The following SYNDIG1 variants were observed in gnomAD, a reference collection of about 807,000 sequenced individuals.
The protein encoded by SYNDIG1 is synapse differentiation inducing 1.
In SYNDIG1, 9 loss-of-function variants were observed where a neutral mutation model predicts 19.4. The observed-to-expected ratio is 0.46, with a 90% CI of 0.28 to 0.81. The LOEUF (loss-of-function observed/expected upper bound fraction) is 0.81, where lower values mean the gene tolerates loss of function less well. SYNDIG1 is among the 30% of genes least tolerant of loss of function. SYNDIG1 has a pLI of 0.12. For missense variants in SYNDIG1, 311 were observed against 343.3 expected (o/e 0.91, Z 0.74); for synonymous variants, 141 against 145.9 (o/e 0.97, Z 0.24).
At chr20:24,618,855 G>A (rs934792449) in intron 3 of SYNDIG1, among the ~76,000 whole-genome samples, 7 of 151,656 alleles carry the variant, frequency 4.6e-5, no homozygotes, top group Non-Finnish European at 1.0e-4. Flanking sequence ...TTTTGTGGTG[G>A]TTGTTGTTGT....
intron 3 of SYNDIG1, among the ~76,000 whole-genome samples, chr20:24,653,975 C>A (rs2059498509): frequency 6.6e-6 from 1 of 152,206 alleles, no homozygotes; most frequent in Admixed American, 6.5e-5. Flanking sequence ...AATACAGTCA[C>A]ATTCTGAGGT....
intron 3 of SYNDIG1, among the ~76,000 whole-genome samples, chr20:24,657,341 C>G (rs1303319350): frequency 1.3e-5 from 2 of 152,164 alleles, no homozygotes; most frequent in Non-Finnish European, 2.9e-5. Context: ...AAGGGGCTGG[C>G]CTTGAGGACA....
chr20:24,490,698 G>A (rs886340461), intron 1 of SYNDIG1, among the ~76,000 whole-genome samples: 1 of 152,224 alleles, frequency 6.6e-6, no homozygotes, highest in Non-Finnish European at 1.5e-5. Flanking sequence ...GACAGCTGTG[G>A]CTAGGACTCC....
In SYNDIG1 at chr20:24,637,309, T is replaced by G. The variant is rs191876123; in HGVS notation, c.619-28037T>G. 3.3e-5 allele frequency among the ~76,000 whole-genome samples: 5 copies of G among 152,316 alleles called. No individual in the cohort carries two copies. The East Asian group carries it at 9.6e-4, about 29-fold the overall frequency. ...ATGGTAATTACAAGCCACATGGTAATTTACGATTCCTTCCCTTCAGAGCTA... is the reference window on the plus strand; with the variant it reads ...ATGGTAATTACAAGCCACATGGTAAGTTACGATTCCTTCCCTTCAGAGCTA... On this transcript the variant is annotated intron_variant, in intron 3 of 3. Transcript: ENST00000376862.
chr20:24,636,960 C>T (rs1450804133), intron 3 of SYNDIG1, among the ~76,000 whole-genome samples: 1 of 152,234 alleles, frequency 6.6e-6, no homozygotes, highest in Non-Finnish European at 1.5e-5. Context: ...TCACAAGTTG[C>T]AATTGAGGCC....
At chr20:24,649,400 T>G (rs1324331976) in intron 3 of SYNDIG1, among the ~76,000 whole-genome samples, 1 of 152,216 alleles carries the variant, frequency 6.6e-6, no homozygotes, top group Non-Finnish European at 1.5e-5. Context: ...AGCAACGATC[T>G]TTGTGTTTTA....
intron 2 of SYNDIG1, among the ~76,000 whole-genome samples, chr20:24,549,322 T>C (rs1409449195): frequency 1.3e-5 from 2 of 152,168 alleles, no homozygotes; most frequent in South Asian, 2.1e-4. Context: ...TGCTTAACTT[T>C]CCCTCCTGAC....
chr20:24,512,355 G>C (rs955818609), intron 1 of SYNDIG1, among the ~76,000 whole-genome samples: 2 of 151,434 alleles, frequency 1.3e-5, no homozygotes, highest in African/African-American at 4.9e-5. Flanking sequence ...GCCTCGCCCG[G>C]GAAGCACAGG....
chr20:24,632,213 G>A (rs936180408), intron 3 of SYNDIG1, among the ~76,000 whole-genome samples: 5 of 152,134 alleles, frequency 3.3e-5, no homozygotes, highest in South Asian at 2.1e-4. Flanking sequence ...TCCCTGCTGC[G>A]TAGATTTCAC....
chr20:24,510,146 T>C (rs529519271), intron 1 of SYNDIG1, among the ~76,000 whole-genome samples: 62 of 152,326 alleles, frequency 4.1e-4, no homozygotes, highest in Admixed American at 1.4e-3. Flanking sequence ...ATGAGCCAAA[T>C]ACACCTCATT....
At chr20:24,546,574 C>T (rs990488968) in intron 2 of SYNDIG1, among the ~76,000 whole-genome samples, 9 of 152,326 alleles carry the variant, frequency 5.9e-5, no homozygotes, top group South Asian at 2.1e-4. Context: ...CTTCATTTTG[C>T]GGCAGCCAGA....
rs1346670727 is a variant in SYNDIG1 at position 24,570,052 on chromosome 20, T to C, written c.481-14804T>C. Among the ~76,000 whole-genome samples the C allele has an allele frequency of 2.6e-5, 4 of 152,252 alleles. No homozygotes were observed. The East Asian group carries it at 7.7e-4, about 29-fold the overall frequency. ...CTGTTTGAAAATGGTCATATACCAA[T>C]TTCAGTATTGTATTTTATAATGTTA... On this transcript the variant is annotated intron_variant, in intron 2 of 3. Transcript: ENST00000376862.
chr20:24,583,234 G>A (rs915911114), intron 2 of SYNDIG1, among the ~76,000 whole-genome samples: 5 of 152,188 alleles, frequency 3.3e-5, no homozygotes, highest in Non-Finnish European at 4.4e-5. Flanking sequence ...CTCAGGCATC[G>A]GTGGCAAGCA....
At chr20:24,500,430 C>T (rs1337660337) in intron 1 of SYNDIG1, among the ~76,000 whole-genome samples, 1 of 152,118 alleles carries the variant, frequency 6.6e-6, no homozygotes, top group Admixed American at 6.5e-5. Context: ...TCAGTATCAA[C>T]TTAGAGAGTT....
chr20:24,603,157 G>T (rs957489501), intron 3 of SYNDIG1, among the ~76,000 whole-genome samples: 1 of 152,116 alleles, frequency 6.6e-6, no homozygotes, highest in African/African-American at 2.4e-5. Context: ...CTGATGCAAA[G>T]ATGTGCACAC....
At chr20:24,640,515 AAGGAAGGAAGGAAG>A (rs2059365482) in intron 3 of SYNDIG1, among the ~76,000 whole-genome samples, 1 of 141,318 alleles carries the variant, frequency 7.1e-6, no homozygotes, top group Admixed American at 7.1e-5. Context: ...GGAAGGAAGG[AAGGAAGGAAGGAAG>A]GAGCTTTTCT....
chr20:24,522,225 AGC>A (rs1233961930), intron 1 of SYNDIG1, among the ~76,000 whole-genome samples: 1 of 152,046 alleles, frequency 6.6e-6, no homozygotes. Flanking sequence ...TCCCACCTGT[AGC>A]TAGGACTATA....
At chr20:24,552,057 A>T (rs2057715678) in intron 2 of SYNDIG1, among the ~76,000 whole-genome samples, 1 of 152,150 alleles carries the variant, frequency 6.6e-6, no homozygotes, top group East Asian at 1.9e-4. Context: ...TTAGGAGTGG[A>T]GTATCAGAAA....
intron 1 of SYNDIG1, among the ~76,000 whole-genome samples, chr20:24,528,744 C>A (rs2057179545): frequency 6.6e-6 from 1 of 152,186 alleles, no homozygotes; most frequent in Non-Finnish European, 1.5e-5. Flanking sequence ...TATATGCATC[C>A]AAACCATTAG....
Sources: gnomAD v4.1 joint callset for allele counts (sites outside exome capture counted in the v4.1 genomes callset) on GRCh38, gnomAD v4.1.1 for gene constraint, MANE v1.5 for transcripts, NCBI Gene and HGNC (gene_info 2026-07-23, HGNC 2026-07-21) for gene names.